Variants in NDUFS1 observed in about 807,000 individuals in gnomAD.
NDUFS1 encodes NADH-ubiquinone oxidoreductase 75 kDa subunit, mitochondrial.
A neutral mutation model predicts 84.4 loss-of-function variants in NDUFS1; 61 were observed. The ratio of observed to expected loss-of-function variants is 0.72; its 90% CI spans 0.59 to 0.89. The LOEUF (loss-of-function observed/expected upper bound fraction) is 0.89, where lower values mean the gene tolerates loss of function less well. NDUFS1 is among the 40% of genes least tolerant of loss of function. The pLI is 0.00. For missense variants in NDUFS1, 891 were observed against 890.0 expected, an observed-to-expected ratio of 1.00 and a Z score of -0.01; for synonymous variants, 275 against 290.0, an observed-to-expected ratio of 0.95 and a Z score of 0.53.
At chr2:206,127,440 C>T in intron 16 of NDUFS1, 1 of 219,178 alleles carries the variant, frequency 4.6e-6, no homozygotes, top group Non-Finnish European at 9.2e-6. Context: ...GAAGCTTGCG[C>T]CCGGGAGGTG....
chr2:206,134,240 G>T (rs1472088444), intron 13 of NDUFS1, among the ~76,000 whole-genome samples: 1 of 152,118 alleles, frequency 6.6e-6, no homozygotes, highest in Non-Finnish European at 1.5e-5. Context: ...ACTCAAAGAA[G>T]CAACACTGTA....
In NDUFS1 at chr2:206,147,619, C is replaced by G; in HGVS notation, c.463G>C (p.Glu155Gln). The change falls in exon 7 of 19, where the codon GAG becomes CAG. Residue 155 changes from glutamate to glutamine, a missense_variant. Coordinates refer to ENST00000233190, the MANE Select transcript of NDUFS1 (RefSeq NM_005006.7). ...MFGNDRSRFL[E>Q]GKRAVEDKNI... ...TTGTCTTCCACAGCACGCTTCCCCT[C>G]TAAAAATCGGCTCCTATCATTTCCA... 3.1e-6 allele frequency: 5 copies of G among 1,614,178 alleles called. No homozygotes were observed. Among genetic ancestry groups the G allele is most frequent in the Non-Finnish European group, 3.4e-6 (4 of 1,180,014 alleles).
chr2:206,146,870 C>T (rs752986507), intron 8 of NDUFS1, 33 bp downstream of exon 8: 3 of 1,597,794 alleles, frequency 1.9e-6, no homozygotes, highest in Non-Finnish European at 2.6e-6. Flanking sequence ...GAATTAAGGA[C>T]AAAAAAACAA....
rs1691066543 is a variant in NDUFS1, at chr2:206,120,540, C to G, written c.*3645G>C. On this transcript the variant is annotated 3_prime_UTR_variant, in exon 19 of 19. Coordinates refer to ENST00000233190, the MANE Select transcript of NDUFS1 (RefSeq NM_005006.7). The stretch of plus-strand genomic sequence containing the variant: ...CATGCTTTAGCAAATAGCTTGGGTG[C>G]ATTGTGTCCAGGCCCTAGGAATCTG... 6.6e-6 allele frequency: 1 copy of G among 152,148 alleles called. No homozygotes were observed. 9.4% of individuals were successfully genotyped at this position (152,148 alleles called of 1,614,324 possible). A position where few individuals can be genotyped will look rare whatever the true frequency, so the allele number is the denominator to read the frequency against.
At chr2:206,135,978 C>T (rs1027359573) in intron 13 of NDUFS1, among the ~76,000 whole-genome samples, 4 of 151,792 alleles carry the variant, frequency 2.6e-5, no homozygotes, top group African/African-American at 9.7e-5. Flanking sequence ...GCACTGACGA[C>T]AGCAAAGCAG....
At position 206,141,896 on chromosome 2, in the gene NDUFS1, A is replaced by G. The variant is rs181632943; in HGVS notation, c.1262+45T>C. The stretch of plus-strand genomic sequence containing the variant: ...CCATTTTTCACATATAAAACAAAAA[A>G]ATTACATAAATATTTTTAAACCTTG... On this transcript the variant is annotated intron_variant, in intron 12 of 18. Coordinates refer to ENST00000233190, the MANE Select transcript of NDUFS1 (RefSeq NM_005006.7). The G allele has an allele frequency of 2.7e-5, 42 of 1,547,964 alleles. No individual in the cohort carries two copies. In the African/African-American group the frequency reaches 4.6e-4, roughly 17 times the overall value.
At position 206,126,837 on chromosome 2, in the gene NDUFS1, C is replaced by T. The variant is rs748698711; in HGVS notation, c.1892G>A (p.Gly631Glu). 5 of 1,614,020 alleles carry T rather than the reference C, an allele frequency of 3.1e-6. No homozygotes were observed. In the South Asian group the frequency reaches 5.5e-5, roughly 18 times the overall value. Residue 631 changes from glycine to glutamate, a missense_variant, in exon 17 of 19, where the codon GGA (glycine) becomes GAA (glutamate). Coordinates refer to ENST00000233190, the MANE Select transcript of NDUFS1 (RefSeq NM_005006.7). ...CAGAGTATCATATGGAAGAGTCATT[C>T]CAGCAATCTACAACATGTCAGGTCC... ...KIIRALSEIA[G>E]MTLPYDTLDQ... is the part of the protein sequence containing the mutation.
chr2:206,117,177 G>C lies in NDUFS1; in HGVS notation c.*7008C>G, dbSNP rs1690969049. 1 of 152,220 alleles carries C rather than the reference G, an allele frequency of 6.6e-6. No homozygotes were observed. The highest frequency in any genetic ancestry group is 1.5e-5 in the Non-Finnish European group (1 of 68,088). The allele number at this position is 152,220 out of a possible 1,614,324, so 9.4% of individuals were successfully genotyped here. On this transcript the variant is annotated 3_prime_UTR_variant, in exon 19 of 19. Transcript: ENST00000233190. ...CCACTGAACCCCAGCCTGGGTGACA[G>C]AGTTGCCTCAATCAGTCAATCAATC... is the stretch of plus-strand genomic sequence containing the variant.
intron 2 of NDUFS1, 57 bp from the exon 3 acceptor site, chr2:206,152,567 A>T: frequency 2.1e-6 from 3 of 1,437,176 alleles, no homozygotes; most frequent in South Asian, 2.3e-5. Flanking sequence ...ATAGCAGATG[A>T]TAATGGATGA....
chr2:206,128,541 G>A (rs1367998368), intron 15 of NDUFS1, among the ~76,000 whole-genome samples: 1 of 151,576 alleles, frequency 6.6e-6, no homozygotes, highest in Non-Finnish European at 1.5e-5. Flanking sequence ...ACTTTGGGAG[G>A]CCAAGGTGGA....
chr2:206,157,867 C>T (rs1363635250), intron 1 of NDUFS1, among the ~76,000 whole-genome samples: 3 of 152,064 alleles, frequency 2.0e-5, no homozygotes, highest in African/African-American at 4.8e-5. Context: ...TGCTATTCCA[C>T]GTTCTCCAAC....
intron 12 of NDUFS1, 22 bp from the exon 13 acceptor site, chr2:206,138,636 A>C (rs1691817256): frequency 6.2e-7 from 1 of 1,612,722 alleles, no homozygotes; most frequent in Admixed American, 1.7e-5. Context: ...ACAACATTTT[A>C]AGAAGTAAAT....
intron 1 of NDUFS1, among the ~76,000 whole-genome samples, chr2:206,157,960 T>C (rs1207400163): frequency 8.4e-6 from 1 of 119,420 alleles, no homozygotes; most frequent in African/African-American, 3.8e-5. Context: ...AGTATTTCAA[T>C]AGCTTTTTTT....
At chr2:206,141,015 C>T (rs1039327381) in intron 12 of NDUFS1, among the ~76,000 whole-genome samples, 1 of 150,640 alleles carries the variant, frequency 6.6e-6, no homozygotes, top group Admixed American at 6.6e-5. Flanking sequence ...GAACAATATA[C>T]AAAATGGTAT....
chr2:206,155,433 G>C (rs1479194393), intron 1 of NDUFS1, among the ~76,000 whole-genome samples: 1 of 145,812 alleles, frequency 6.9e-6, no homozygotes, highest in Non-Finnish European at 1.5e-5. Context: ...TATTTTTGAG[G>C]CAGGGGTCTT....
chr2:206,156,124 G>A (rs1222532232), intron 1 of NDUFS1, among the ~76,000 whole-genome samples: 1 of 151,734 alleles, frequency 6.6e-6, no homozygotes, highest in Non-Finnish European at 1.5e-5. Flanking sequence ...ATAGCCGGGC[G>A]TGGTGGCAGG....
intron 13 of NDUFS1, among the ~76,000 whole-genome samples, chr2:206,137,484 G>GA (rs1258518363): frequency 1.3e-5 from 2 of 149,474 alleles, no homozygotes; most frequent in Non-Finnish European, 3.0e-5. Context: ...CAAGGAAAAA[G>GA]AAAAAAAAAG....
At chr2:206,127,635 C>A (rs1267096277) in intron 16 of NDUFS1, 162 bp downstream of exon 16, 15 of 746,732 alleles carry the variant, frequency 2.0e-5, no homozygotes, top group Non-Finnish European at 2.0e-5. Context: ...CTCACTGTAA[C>A]CTTGAATTCC....
chr2:206,129,131 GAAT>G (rs1691407364), intron 15 of NDUFS1, among the ~76,000 whole-genome samples: 1 of 152,188 alleles, frequency 6.6e-6, no homozygotes, highest in East Asian at 1.9e-4. Flanking sequence ...GAAAATCGTA[GAAT>G]AATATATAGT....
Sources: gnomAD v4.1 joint callset for allele counts (sites outside exome capture counted in the v4.1 genomes callset) on GRCh38, gnomAD v4.1.1 for gene constraint, MANE v1.5 for transcripts, NCBI Gene and HGNC (gene_info 2026-07-23, HGNC 2026-07-21) for gene names.